GPR108: variants seen among roughly 807,000 people sequenced by gnomAD.
The protein encoded by GPR108 is G protein-coupled receptor 108.
Under a neutral mutation model 74.3 loss-of-function variants are expected in GPR108, and 60 were observed. That is an observed-to-expected ratio of 0.81 (90% CI 0.66 to 1.00). GPR108 has a LOEUF of 1.00. GPR108 is among the 50% of genes least tolerant of loss of function. The pLI, the probability that GPR108 is intolerant of heterozygous loss-of-function variation, is 0.00. For missense variants in GPR108, 667 were observed against 703.3 expected (o/e 0.95, Z 0.58); for synonymous variants, 311 against 292.4 (o/e 1.06, Z -0.65).
At chr19:6,730,829 C>G (rs546441496) in intron 17 of GPR108, among the ~76,000 whole-genome samples, 158 bp downstream of exon 17, 2 of 151,658 alleles carry the variant, frequency 1.3e-5, no homozygotes, top group Admixed American at 6.6e-5. Flanking sequence ...CCTGGCTGCC[C>G]CCCATCTCCC....
rs201975754 is a variant in GPR108 at position 6,733,291 on chromosome 19, C to G, written c.734G>C (p.Arg245Pro). 1.9e-6 allele frequency: 3 copies of G among 1,613,406 alleles called. No individual in the cohort carries two copies. Among genetic ancestry groups the G allele is most frequent in the Non-Finnish European group, 2.5e-6 (3 of 1,179,742 alleles). The change falls in exon 9 of 18, where the codon CGG becomes CCG. Residue 245 changes from arginine (R) to proline (P), a missense_variant. By Grantham distance (103) the Arg-to-Pro change is moderately radical. Coordinates refer to ENST00000264080, the MANE Select transcript of GPR108 (RefSeq NM_001080452.2). The part of the protein sequence containing the change: ...EHPFDITVMI[R>P]EKNPDGFLSA... The stretch of plus-strand genomic sequence containing the variant: ...CAGGAAGCCATCGGGGTTCTTCTCC[C>G]GGATCATCACCTGCGGAGGGGGCAG...
Position 6,731,954 on chromosome 19 carries a change from CAG to C in GPR108, c.1257-22_1257-21del, listed in dbSNP as rs1968424573. The C allele has an allele frequency of 3.1e-6, 5 of 1,613,056 alleles. No individual in the cohort carries two copies. The highest frequency in any genetic ancestry group is 1.7e-5 in the Admixed American group (1 of 59,926). On this transcript the variant is annotated intron_variant, in intron 13 of 17. Transcript: ENST00000264080. ...ATGGACCTGGGACAAGTGGAGGACACAGGGTACGGTCAGCGCGGACATCGCCC... is the reference window on the plus strand; with the variant it reads ...ATGGACCTGGGACAAGTGGAGGACACGGTACGGTCAGCGCGGACATCGCCC...
In GPR108 at chr19:6,733,238, G is replaced by T. The variant is rs1376174241; in HGVS notation, c.787C>A (p.Leu263Ile). ...LSAAEMPLFK[L>I]YMVMSACFLA... ...AAGCAGGCGGACATGACCATGTAGAGCTTGAAAAGGGGCATCTCCGCTGCC... is the reference window on the plus strand; with the variant it reads ...AAGCAGGCGGACATGACCATGTAGATCTTGAAAAGGGGCATCTCCGCTGCC... Residue 263 changes from leucine to isoleucine, a missense_variant, in exon 9 of 18, where the codon CTC (leucine) becomes ATC (isoleucine). Coordinates refer to ENST00000264080, the MANE Select transcript of GPR108 (RefSeq NM_001080452.2). 2 of 1,613,880 alleles carry T rather than the reference G, an allele frequency of 1.2e-6. No homozygotes were observed. Among genetic ancestry groups the T allele is most frequent in the African/African-American group, 2.7e-5 (2 of 74,926 alleles).
Position 6,737,558 on chromosome 19 carries a change from T to G in GPR108, c.19A>C (p.Arg7=). Residue 7 remains arginine (R), a synonymous_variant, in exon 1 of 18, where the codon AGG becomes CGG. Transcript: ENST00000264080. ...GCGGGGCTCCCGCGGCCGAGCCCCC[T>G]CCTCTCGCTCACTGCCATCTCTGGA... The part of the protein sequence containing the change: MAVSER[R]GLGRGSPAEW... 1 of 1,520,564 alleles carries G rather than the reference T, an allele frequency of 6.6e-7. No individual in the cohort carries two copies. The highest frequency in any genetic ancestry group is 1.2e-5 in the South Asian group (1 of 82,970). The allele number at this position is 1,520,564 out of a possible 1,614,324, so 94.2% of individuals were successfully genotyped here. A position where few individuals can be genotyped will look rare whatever the true frequency, so the allele number is the denominator to read the frequency against.
At chr19:6,734,830 C>A (rs1968563302) in intron 4 of GPR108, among the ~76,000 whole-genome samples, 1 of 150,570 alleles carries the variant, frequency 6.6e-6, no homozygotes, top group South Asian at 2.1e-4. Flanking sequence ...ATGGCATGAG[C>A]CACCATGGCC....
At position 6,732,145 on chromosome 19, in the gene GPR108, T is replaced by C; in HGVS notation, c.1136A>G (p.Asn379Ser). Residue 379 changes from asparagine (N) to serine (S), a missense_variant, in exon 13 of 18, where the codon AAC becomes AGC. Coordinates refer to ENST00000264080, the MANE Select transcript of GPR108 (RefSeq NM_001080452.2). ...GIVIPMQVLANVAYIIIESRE... is the reference protein window; with the variant it reads ...GIVIPMQVLASVAYIIIESRE... The stretch of plus-strand genomic sequence containing the variant: ...GGACTCGATGATGATGTAGGCCACG[T>C]TGGCCAGGACCTGCGCAGGCGGCGG... 6.2e-7 allele frequency: 1 copy of C among 1,613,690 alleles called. No homozygotes were observed. The highest frequency in any genetic ancestry group is 8.5e-7 in the Non-Finnish European group (1 of 1,179,992).
At chr19:6,730,480 A>G (rs996072779) in intron 17 of GPR108, 96 bp from the exon 18 acceptor site, 34 of 1,005,026 alleles carry the variant, frequency 3.4e-5, no homozygotes, top group Non-Finnish European at 4.8e-5. Flanking sequence ...ACTCCCCCCA[A>G]CCACAGCAGC....
At position 6,736,705 on chromosome 19, in the gene GPR108, T is replaced by C; in HGVS notation, c.127A>G (p.Lys43Glu). 1 of 1,613,942 alleles carries C rather than the reference T, an allele frequency of 6.2e-7. No individual in the cohort carries two copies. The highest frequency in any genetic ancestry group is 8.5e-7 in the Non-Finnish European group (1 of 1,179,964). Residue 43 changes from lysine to glutamate, a missense_variant, in exon 2 of 18, where the codon AAG becomes GAG. Physicochemically the swap from Lys to Glu is moderately conservative, Grantham distance 56 (BLOSUM62 1). Transcript: ENST00000264080. ...CTGTTCAGCTGGATGTCCGCTCGCT[T>C]CTCCCCCTGCCGGAGACCAAGGAGG... is the stretch of plus-strand genomic sequence containing the variant. ...RIHQLALTGE[K>E]RADIQLNSFG...
rs1463656611 is a variant in GPR108 at position 6,732,541 on chromosome 19, G to C, written c.942C>G (p.Tyr314Ter). The C allele has an allele frequency of 6.2e-7, 1 of 1,613,418 alleles. No individual in the cohort carries two copies. The highest frequency in any genetic ancestry group is 8.5e-7 in the Non-Finnish European group (1 of 1,179,738). The change falls in exon 11 of 18, where the codon TAC (tyrosine) becomes TAG (stop). Residue 314 changes from tyrosine to a stop codon, truncating the protein, a stop_gained. Transcript: ENST00000264080. LOFTEE classifies it high-confidence loss of function. The part of the protein sequence containing the change: ...SISLLFHSIN[Y>*]YFINSQGHPI... ...GGTGGCCCTGGCTGTTGATGAAGTA[G>C]TAGTTGATCTGGGGGTGGATGGACA...
rs766925454 is a variant in GPR108 at position 6,731,168 on chromosome 19, C to G, written c.1434+31G>C. 4 of 1,606,368 alleles carry G rather than the reference C, an allele frequency of 2.5e-6. No individual in the cohort carries two copies. In the South Asian group the frequency reaches 4.4e-5, roughly 18 times the overall value. Reference sequence around the variant, plus strand: ...CGCACCCCCACCCCCACCGTGGCCGCCCTCCCGTCCCACCTGGGCCTCGGG... The same window carrying G: ...CGCACCCCCACCCCCACCGTGGCCGGCCTCCCGTCCCACCTGGGCCTCGGG... On this transcript the variant is annotated intron_variant, in intron 16 of 17. Coordinates refer to ENST00000264080, the MANE Select transcript of GPR108 (RefSeq NM_001080452.2).
Position 6,731,741 on chromosome 19 carries a change from G to C in GPR108, c.1300+150C>G, listed in dbSNP as rs994924219. ...GCAGAGAGGCCAGATAAAGGCATTC[G>C]GGGGAAAGAGAGGCCAGACTGGGGC... On this transcript the variant is annotated intron_variant, in intron 14 of 17. Coordinates refer to ENST00000264080, the MANE Select transcript of GPR108 (RefSeq NM_001080452.2). 9 of 960,552 alleles carry C rather than the reference G, an allele frequency of 9.4e-6. No homozygotes were observed. The South Asian group carries it at 1.1e-4, about 12-fold the overall frequency. The allele number at this position is 960,552 out of a possible 1,614,324, so 59.5% of individuals were successfully genotyped here. A position where few individuals can be genotyped will look rare whatever the true frequency, so the allele number is the denominator to read the frequency against.
intron 1 of GPR108, 189 bp from the exon 2 acceptor site, chr19:6,736,900 C>T (rs1299771977): frequency 5.4e-6 from 4 of 744,404 alleles, no homozygotes; most frequent in Middle Eastern, 4.0e-4. Flanking sequence ...CATTCTCCGA[C>T]CTCTGTTCTG....
intron 17 of GPR108, among the ~76,000 whole-genome samples, 190 bp downstream of exon 17, chr19:6,730,797 C>T (rs907752325): frequency 1.3e-5 from 2 of 150,992 alleles, no homozygotes; most frequent in Non-Finnish European, 3.0e-5. Context: ...CACAGCTGTC[C>T]GGTCCCCACC....
At chr19:6,735,525 TG>T (rs745763709) in intron 4 of GPR108, 96 bp downstream of exon 4, 22 of 1,034,456 alleles carry the variant, frequency 2.1e-5, no homozygotes, top group Non-Finnish European at 3.2e-5. Context: ...TTTCTCTCTC[TG>T]CTTCTCATCC....
Position 6,733,249 on chromosome 19 carries a change from G to A in GPR108, c.776C>T (p.Pro259Leu). Residue 259 changes from proline (P) to leucine (L), a missense_variant, in exon 9 of 18, where the codon CCC becomes CTC. Physicochemically the swap from Pro to Leu is moderately conservative, Grantham distance 98. Coordinates refer to ENST00000264080, the MANE Select transcript of GPR108 (RefSeq NM_001080452.2). Reference protein sequence around the residue: ...PDGFLSAAEMPLFKLYMVMSA... With the variant: ...PDGFLSAAEMLLFKLYMVMSA... ...CATGACCATGTAGAGCTTGAAAAGG[G>A]GCATCTCCGCTGCCGACAGGAAGCC... 1.2e-6 allele frequency: 2 copies of A among 1,613,938 alleles called. No homozygotes were observed. The highest frequency in any genetic ancestry group is 1.7e-6 in the Non-Finnish European group (2 of 1,180,018).
In GPR108 at chr19:6,730,376, TC is replaced by T. The variant is rs767078414; in HGVS notation, c.1567del (p.Asp523ThrfsTer101). ...EDVQMEQVMT[D>X]SGFREGLSKV... ...GGAGAGGCCTTCCCGGAACCCAGAG[TC>T]CGTCATTCTGGGGGCAGACAGCGAG... On this transcript the variant is annotated frameshift_variant, in exon 18 of 18. Transcript: ENST00000264080. LOFTEE classifies it high-confidence loss of function. The T allele has an allele frequency of 5.6e-6, 9 of 1,612,824 alleles. No individual in the cohort carries two copies. The Admixed American group carries it at 1.0e-4, about 18-fold the overall frequency.
Position 6,730,999 on chromosome 19 carries a change from TG to T in GPR108, c.1546del (p.Gln516ArgfsTer5), listed in dbSNP as rs1968374473. 1.3e-6 allele frequency: 2 copies of T among 1,519,844 alleles called. No individual in the cohort carries two copies. Among genetic ancestry groups the T allele is most frequent in the African/African-American group, 1.4e-5 (1 of 70,724 alleles). 94.1% of individuals were successfully genotyped at this position (1,519,844 alleles called of 1,614,324 possible). A position where few individuals can be genotyped will look rare whatever the true frequency, so the allele number is the denominator to read the frequency against. On this transcript the variant is annotated frameshift_variant, in exon 17 of 18. Coordinates refer to ENST00000264080, the MANE Select transcript of GPR108 (RefSeq NM_001080452.2). LOFTEE classifies it high-confidence loss of function. ...GTGCCCAGCTCACACTTGCTCCATC[TG>T]AACATCCTCCTCGTCCTCCTGGGGC... ...QLPQEDEEDV[Q>X]MEQVMTDSGF...
At chr19:6,734,574 C>G (rs557426505) in intron 4 of GPR108, among the ~76,000 whole-genome samples, 55 of 152,252 alleles carry the variant, frequency 3.6e-4, no homozygotes, top group Non-Finnish European at 7.1e-4. Context: ...CAGGGTCTTG[C>G]TCTGTCGCCC....
At position 6,731,248 on chromosome 19, in the gene GPR108, G is replaced by A. The variant is rs1163497285; in HGVS notation, c.1385C>T (p.Ala462Val). Reference protein sequence around the residue: ...ICYVYFTRIIAILLQVAVPFQ... With the variant: ...ICYVYFTRIIVILLQVAVPFQ... ...GGGCACAGCCACCTGCAGCAGGATGGCGATGATGCGGGTGAAGTAGACGTA... is the reference window on the plus strand; with the variant it reads ...GGGCACAGCCACCTGCAGCAGGATGACGATGATGCGGGTGAAGTAGACGTA... The change falls in exon 16 of 18, where the codon GCC becomes GTC. Residue 462 changes from alanine to valine, a missense_variant. Physicochemically the swap from Ala to Val is moderately conservative, Grantham distance 64. Coordinates refer to ENST00000264080, the MANE Select transcript of GPR108 (RefSeq NM_001080452.2). 1.9e-6 allele frequency: 3 copies of A among 1,560,884 alleles called. No individual in the cohort carries two copies. The highest frequency in any genetic ancestry group is 2.6e-6 in the Non-Finnish European group (3 of 1,151,056).
Sources: gnomAD v4.1 joint callset for allele counts (sites outside exome capture counted in the v4.1 genomes callset) on GRCh38, gnomAD v4.1.1 for gene constraint, MANE v1.5 for transcripts, NCBI Gene and HGNC (gene_info 2026-07-23, HGNC 2026-07-21) for gene names.